Variants in PIGK observed in about 807,000 individuals in gnomAD.
PIGK encodes GPI-anchor transamidase.
A neutral mutation model predicts 50.6 loss-of-function variants in PIGK; 42 were observed. The ratio of observed to expected loss-of-function variants is 0.83; its 90% CI spans 0.65 to 1.07. The LOEUF is 1.07. Ranked by LOEUF, PIGK falls within the 50% of genes least tolerant of loss-of-function variation. The pLI is 0.00. For missense variants in PIGK, 448 were observed against 488.7 expected (o/e 0.92, Z 0.78); for synonymous variants, 151 against 156.0 (o/e 0.97, Z 0.24).
In PIGK at chr1:77,161,581, A is replaced by G. The variant is rs752992827; in HGVS notation, c.702+13T>C. 6.8e-5 allele frequency: 80 copies of G among 1,178,638 alleles called. No individual in the cohort carries two copies. In the South Asian group the frequency reaches 9.5e-4, roughly 14 times the overall value. 73.0% of individuals were successfully genotyped at this position (1,178,638 alleles called of 1,614,324 possible). On this transcript the variant is annotated intron_variant, in intron 7 of 10. Coordinates refer to ENST00000370812, the MANE Select transcript of PIGK (RefSeq NM_005482.3). ...CCAAAGACACAGTTTACAAATGGGG[A>G]AAATGCACATACCGAGAGTGAATCT...
chr1:77,213,132 C>G (rs914596721), intron 1 of PIGK, among the ~76,000 whole-genome samples: 2 of 152,108 alleles, frequency 1.3e-5, no homozygotes, highest in African/African-American at 2.4e-5. Context: ...ACCATGTTGG[C>G]CAGGCTGGTC....
intron 10 of PIGK, among the ~76,000 whole-genome samples, chr1:77,095,177 C>G (rs1398743897): frequency 3.3e-5 from 5 of 152,044 alleles, no homozygotes; most frequent in African/African-American, 1.2e-4. Context: ...AATAGAATCC[C>G]CTAGTGCAGT....
chr1:77,157,778 A>G (rs549212812), intron 8 of PIGK, among the ~76,000 whole-genome samples: 3 of 152,302 alleles, frequency 2.0e-5, no homozygotes, highest in Non-Finnish European at 4.4e-5. Flanking sequence ...ATTATGGGAC[A>G]GACTTGGTAG....
rs373393953 is a variant in PIGK at position 77,161,685 on chromosome 1, T to A, written c.611A>T (p.Asp204Val). 1.5e-5 allele frequency: 23 copies of A among 1,552,310 alleles called. No homozygotes were observed. The highest frequency in any genetic ancestry group is 2.0e-5 in the Non-Finnish European group (23 of 1,123,816). Residue 204 changes from aspartate to valine, a missense_variant, in exon 7 of 11, where the codon GAT (aspartate) becomes GTT (valine). Physicochemically the swap from Asp to Val is radical, Grantham distance 152. Coordinates refer to ENST00000370812, the MANE Select transcript of PIGK (RefSeq NM_005482.3). ...ATACATGGATGCTCCTTGGCAAGTATCAATAATAAACAGTAGCTCATTGTA... is the reference window on the plus strand; with the variant it reads ...ATACATGGATGCTCCTTGGCAAGTAACAATAATAAACAGTAGCTCATTGTA... ...RRYNELLFII[D>V]TCQGASMYER...
At chr1:77,131,040 T>C (rs1654361827) in intron 9 of PIGK, among the ~76,000 whole-genome samples, 1 of 152,080 alleles carries the variant, frequency 6.6e-6, no homozygotes, top group Non-Finnish European at 1.5e-5. Flanking sequence ...TAATTTATTC[T>C]TCTCATCCCT....
intron 1 of PIGK, among the ~76,000 whole-genome samples, chr1:77,218,283 G>A (rs1247772322): frequency 6.6e-6 from 1 of 152,180 alleles, no homozygotes; most frequent in East Asian, 1.9e-4. Flanking sequence ...CTTACATTTC[G>A]TGTAGACGAA....
intron 10 of PIGK, among the ~76,000 whole-genome samples, chr1:77,095,676 GT>G (rs1557789814): frequency 6.6e-6 from 1 of 152,124 alleles, no homozygotes; most frequent in Non-Finnish European, 1.5e-5. Flanking sequence ...AACCCTGTTA[GT>G]AGTACACGTT....
At chr1:77,201,375 G>A (rs528888715) in intron 3 of PIGK, among the ~76,000 whole-genome samples, 52 of 152,290 alleles carry the variant, frequency 3.4e-4, no homozygotes, top group Non-Finnish European at 6.6e-4. Context: ...AGACTCTTAC[G>A]GATTTCTGAT....
chr1:77,093,299 T>C (rs1653338716), intron 10 of PIGK, among the ~76,000 whole-genome samples: 1 of 152,090 alleles, frequency 6.6e-6, no homozygotes, highest in Non-Finnish European at 1.5e-5. Context: ...GTGTCACGTA[T>C]GCTTTTTTGT....
chr1:77,092,585 T>C (rs1207252654), intron 10 of PIGK, 95 bp from the exon 11 acceptor site: 2 of 755,392 alleles, frequency 2.6e-6, no homozygotes, highest in Admixed American at 2.4e-5. Flanking sequence ...ATTTCACTGG[T>C]TGTGTTTGAA....
intron 3 of PIGK, 59 bp from the exon 4 acceptor site, chr1:77,169,454 AATTT>A (rs1655307624): frequency 1.5e-6 from 2 of 1,363,778 alleles, no homozygotes; most frequent in South Asian, 2.7e-5. Context: ...GTTAAACACA[AATTT>A]ATTTATATCA....
intron 1 of PIGK, among the ~76,000 whole-genome samples, chr1:77,214,123 C>T (rs1656493196): frequency 6.6e-6 from 1 of 152,098 alleles, no homozygotes; most frequent in African/African-American, 2.4e-5. Context: ...AACACCAATT[C>T]TTCTCAAACT....
intron 3 of PIGK, among the ~76,000 whole-genome samples, chr1:77,199,478 C>T (rs968594338): frequency 7.9e-5 from 12 of 151,912 alleles, no homozygotes; most frequent in African/African-American, 1.9e-4. Flanking sequence ...TTGTACATTG[C>T]AAATTATTTA....
intron 10 of PIGK, 120 bp from the exon 11 acceptor site, chr1:77,092,610 T>A: frequency 1.5e-6 from 1 of 665,578 alleles, no homozygotes; most frequent in East Asian, 2.8e-5. Context: ...GACTAGTTAG[T>A]CAAATTAAAC....
chr1:77,131,458 T>C (rs952366214), intron 9 of PIGK, among the ~76,000 whole-genome samples: 1 of 152,100 alleles, frequency 6.6e-6, no homozygotes, highest in Non-Finnish European at 1.5e-5. Flanking sequence ...GATTATAGCA[T>C]GTATTCTTAT....
chr1:77,104,024 TAA>T lies in PIGK; in HGVS notation c.1072-11536_1072-11535del, dbSNP rs11450309. Among the ~76,000 whole-genome samples, 301 of 138,088 alleles carry T rather than the reference TAA, an allele frequency of 2.2e-3. 1 individual carries two copies. Among genetic ancestry groups the T allele is most frequent in the African/African-American group, 7.1e-3 (266 of 37,208 alleles). The allele number at this position is 138,088 out of a possible 152,430, so 90.6% of individuals were successfully genotyped here. A position where few individuals can be genotyped will look rare whatever the true frequency, so the allele number is the denominator to read the frequency against. On this transcript the variant is annotated intron_variant, in intron 10 of 10. Coordinates refer to ENST00000370812, the MANE Select transcript of PIGK (RefSeq NM_005482.3). ...CTAAATCAGGATAGTGGGGCTATCT[TAA>T]AAAAAAAAAAAAAGACTACTCTGGA...
At chr1:77,155,653 T>C (rs576913263) in intron 8 of PIGK, among the ~76,000 whole-genome samples, 1 of 152,140 alleles carries the variant, frequency 6.6e-6, no homozygotes, top group Non-Finnish European at 1.5e-5. Context: ...ATAAGAGCAT[T>C]CCTAATAAAA....
At chr1:77,149,828 A>T (rs1273414737) in intron 9 of PIGK, among the ~76,000 whole-genome samples, 2 of 152,194 alleles carry the variant, frequency 1.3e-5, no homozygotes, top group Non-Finnish European at 2.9e-5. Flanking sequence ...ATTATCCAGG[A>T]TAGACCATAT....
At chr1:77,194,355 G>A (rs1655980849) in intron 3 of PIGK, among the ~76,000 whole-genome samples, 1 of 148,830 alleles carries the variant, frequency 6.7e-6, no homozygotes, top group Admixed American at 6.6e-5. Flanking sequence ...ATTCTACTTT[G>A]CTGTTATATA....
Sources: gnomAD v4.1 joint callset for allele counts (sites outside exome capture counted in the v4.1 genomes callset) on GRCh38, gnomAD v4.1.1 for gene constraint, MANE v1.5 for transcripts, NCBI Gene and HGNC (gene_info 2026-07-23, HGNC 2026-07-21) for gene names.